The following CNTN4 variants were observed in gnomAD, a reference collection of about 807,000 sequenced individuals.
CNTN4 encodes contactin 4.
Under a neutral mutation model 122.5 loss-of-function variants are expected in CNTN4, and 77 were observed. That is an observed-to-expected ratio of 0.63 (90% CI 0.52 to 0.76). The LOEUF (loss-of-function observed/expected upper bound fraction) is 0.76, where lower values mean the gene tolerates loss of function less well. CNTN4 is among the 30% of genes least tolerant of loss of function. The probability of loss-of-function intolerance (pLI) is 0.00; values close to 1 mark genes in which losing one functional copy is unlikely to be tolerated. For missense variants in CNTN4, 1,256 were observed against 1,259.1 expected, an observed-to-expected ratio of 1.00 and a Z score of 0.04; for synonymous variants, 512 against 447.0, an observed-to-expected ratio of 1.15 and a Z score of -1.83.
rs2087010471 is a variant in CNTN4 at position 2,709,835 on chromosome 3, T to C, written c.56-26380T>C. Among the ~76,000 whole-genome samples, 1 of 151,450 alleles carries C rather than the reference T, an allele frequency of 6.6e-6. No individual in the cohort carries two copies. The highest frequency in any genetic ancestry group is 1.5e-5 in the Non-Finnish European group (1 of 67,882). Reference sequence around the variant, plus strand: ...AGGCTGAGCCAGGAGAGCCCGGGAGTCCAGCAGTGAGCTGAGACTGCGCCA... The same window carrying C: ...AGGCTGAGCCAGGAGAGCCCGGGAGCCCAGCAGTGAGCTGAGACTGCGCCA... On this transcript the variant is annotated intron_variant, in intron 4 of 24. Transcript: ENST00000418658. The surrounding 1 kb of genome is among the most constrained non-coding windows in gnomAD (Gnocchi z 5.0).
chr3:2,392,149 C>T (rs1421834256), intron 3 of CNTN4, among the ~76,000 whole-genome samples: 1 of 152,230 alleles, frequency 6.6e-6, no homozygotes, highest in Non-Finnish European at 1.5e-5. Flanking sequence ...TGTCTCTCAG[C>T]CTTCCCAAAT....
At chr3:2,846,116 G>C (rs2093451565) in intron 7 of CNTN4, among the ~76,000 whole-genome samples, 1 of 152,144 alleles carries the variant, frequency 6.6e-6, no homozygotes, top group African/African-American at 2.4e-5. Flanking sequence ...ATAAGATTTG[G>C]AGAAATCCTG....
intron 6 of CNTN4, among the ~76,000 whole-genome samples, chr3:2,782,102 C>T (rs990058426): frequency 4.6e-5 from 7 of 152,084 alleles, no homozygotes; most frequent in African/African-American, 1.4e-4. Flanking sequence ...TTTTAGCTAG[C>T]AGGCTTCAGA....
chr3:2,895,899 G>A (rs1038288605), intron 10 of CNTN4, among the ~76,000 whole-genome samples: 3 of 152,170 alleles, frequency 2.0e-5, no homozygotes, highest in Non-Finnish European at 2.9e-5. Context: ...CGAGCGTGGT[G>A]GCGGGCGCCT....
chr3:2,668,606 T>C lies in CNTN4; in HGVS notation c.56-67609T>C, dbSNP rs1264150037. The stretch of plus-strand genomic sequence containing the variant: ...TATTTCCTTCTCCTGCCTGATTGCC[T>C]TGGCCAGAACTTCCAACACTATGTT... On this transcript the variant is annotated intron_variant, in intron 4 of 24. Coordinates refer to ENST00000418658, the MANE Select transcript of CNTN4 (RefSeq NM_175607.3). Among the ~76,000 whole-genome samples, 7 of 151,988 alleles carry C rather than the reference T, an allele frequency of 4.6e-5. No homozygotes were observed. In the South Asian group the frequency reaches 6.3e-4, roughly 14 times the overall value.
rs1343950176 is a variant in CNTN4 at position 3,034,762 on chromosome 3, C to T, written c.1914C>T (p.Phe638=). ...ATGTCATTCAAGCCAGGACTCCATT[C>T]TCCGTGGGCTGGCAAGCAGTCAGTA... ...TMYVIQARTP[F]SVGWQAVSTV... Residue 638 remains phenylalanine (F), a synonymous_variant, in exon 17 of 25, where the codon TTC becomes TTT. Coordinates refer to ENST00000418658, the MANE Select transcript of CNTN4 (RefSeq NM_175607.3). 2 of 1,614,100 alleles carry T rather than the reference C, an allele frequency of 1.2e-6. No individual in the cohort carries two copies. Among genetic ancestry groups the T allele is most frequent in the East Asian group, 2.2e-5 (1 of 44,878 alleles).
chr3:2,478,751 A>G (rs917747545), intron 3 of CNTN4, among the ~76,000 whole-genome samples: 5 of 152,166 alleles, frequency 3.3e-5, no homozygotes, highest in Admixed American at 1.3e-4. Context: ...TGTCCCTGCA[A>G]AGGACATGAT....
chr3:2,716,252 T>A (rs1167838668), intron 4 of CNTN4, among the ~76,000 whole-genome samples: 1 of 152,112 alleles, frequency 6.6e-6, no homozygotes, highest in East Asian at 1.9e-4. Context: ...ATATAACTTC[T>A]ATTAACATTT....
chr3:2,422,994 G>T (rs895365556), intron 3 of CNTN4, among the ~76,000 whole-genome samples: 4 of 152,160 alleles, frequency 2.6e-5, no homozygotes, highest in African/African-American at 9.7e-5. Flanking sequence ...GGCTTTAGTT[G>T]CCCTCTTTTT....
chr3:2,798,723 C>T (rs561565204), intron 6 of CNTN4, among the ~76,000 whole-genome samples: 1 of 152,112 alleles, frequency 6.6e-6, no homozygotes. Flanking sequence ...GTTGTCCAGG[C>T]TGGTCTCAAA....
intron 14 of CNTN4, among the ~76,000 whole-genome samples, chr3:3,022,818 C>T (rs1698414698): frequency 2.0e-5 from 3 of 152,098 alleles, no homozygotes; most frequent in Admixed American, 1.3e-4. Context: ...TATCATTCTA[C>T]ACAGTATGAA....
chr3:2,347,209 C>T (rs1252328858), intron 3 of CNTN4, among the ~76,000 whole-genome samples: 8 of 152,098 alleles, frequency 5.3e-5, no homozygotes, highest in Non-Finnish European at 1.2e-4. Context: ...TCTCATGCAA[C>T]ATTCTCAATG....
At chr3:2,487,819 A>G (rs1212368483) in intron 3 of CNTN4, among the ~76,000 whole-genome samples, 1 of 152,220 alleles carries the variant, frequency 6.6e-6, no homozygotes, top group Non-Finnish European at 1.5e-5. Flanking sequence ...ATAGAGTTGA[A>G]AGGAAACAAT....
intron 4 of CNTN4, among the ~76,000 whole-genome samples, chr3:2,620,276 G>C (rs1411002975): frequency 2.6e-5 from 4 of 152,104 alleles, no homozygotes. Flanking sequence ...GAGGTAGGTG[G>C]ATTGCCTGAG....
intron 2 of CNTN4, among the ~76,000 whole-genome samples, chr3:2,243,330 T>G (rs896526805): frequency 1.3e-5 from 2 of 152,120 alleles, no homozygotes; most frequent in Non-Finnish European, 2.9e-5. Flanking sequence ...CTCTCCCAAA[T>G]AAGACAAGAG....
At position 2,625,905 on chromosome 3, in the gene CNTN4, A is replaced by G. The variant is rs1207033273; in HGVS notation, c.55+54347A>G. Among the ~76,000 whole-genome samples the G allele has an allele frequency of 3.3e-5, 5 of 152,152 alleles. No individual in the cohort carries two copies. The East Asian group carries it at 9.6e-4, about 29-fold the overall frequency. On this transcript the variant is annotated intron_variant, in intron 4 of 24. Coordinates refer to ENST00000418658, the MANE Select transcript of CNTN4 (RefSeq NM_175607.3). ...TTTTTCAAACAATTTTTGTTGTTAC[A>G]TTTGTTCTACCAGTATCGAATTGTT...
chr3:2,673,579 C>T (rs552131229), intron 4 of CNTN4, among the ~76,000 whole-genome samples: 2 of 152,168 alleles, frequency 1.3e-5, no homozygotes, highest in South Asian at 2.1e-4. Flanking sequence ...CTCATTCTGT[C>T]GCCCAGGCTG....
intron 2 of CNTN4, among the ~76,000 whole-genome samples, chr3:2,302,401 C>G (rs2042557531): frequency 6.6e-6 from 1 of 152,148 alleles, no homozygotes; most frequent in African/African-American, 2.4e-5. Context: ...GCACTCCAGC[C>G]TGGGTGACAG....
Position 2,729,315 on chromosome 3 carries a change from A to G in CNTN4, c.56-6900A>G, listed in dbSNP as rs529191514. ...CGCGGTGGCTCACGCCTGTAATCCTAGCACTTTGGGAGGCCAAGGCGGGCG... is the reference window on the plus strand; with the variant it reads ...CGCGGTGGCTCACGCCTGTAATCCTGGCACTTTGGGAGGCCAAGGCGGGCG... On this transcript the variant is annotated intron_variant, in intron 4 of 24. Transcript: ENST00000418658. Among the ~76,000 whole-genome samples, 23 of 152,116 alleles carry G rather than the reference A, an allele frequency of 1.5e-4. No homozygotes were observed. In the South Asian group the frequency reaches 4.6e-3, roughly 30 times the overall value.
Sources: gnomAD v4.1 joint callset for allele counts (sites outside exome capture counted in the v4.1 genomes callset) on GRCh38, gnomAD v4.1.1 for gene constraint, Gnocchi (gnomAD v3.1) non-coding constraint, MANE v1.5 for transcripts, NCBI Gene and HGNC (gene_info 2026-07-23, HGNC 2026-07-21) for gene names.